Variants in CPA6 observed in about 807,000 individuals in gnomAD.
CPA6 encodes carboxypeptidase B.
CPA6 carries 58 observed loss-of-function variants against 63.3 expected under a neutral mutation model. The ratio of observed to expected loss-of-function variants is 0.92; its 90% confidence interval spans 0.74 to 1.14. The LOEUF is 1.14. CPA6 is among the 50% of genes most tolerant of loss of function. The pLI, the probability that CPA6 is intolerant of heterozygous loss-of-function variation, is 0.00. For synonymous variants in CPA6, 185 were observed against 179.0 expected, an observed-to-expected ratio of 1.03 and a Z score of -0.27; for missense variants, 565 against 526.6, an observed-to-expected ratio of 1.07 and a Z score of -0.71.
At chr8:67,745,797 T>A (rs550616487) in intron 1 of CPA6, among the ~76,000 whole-genome samples, 1 of 152,084 alleles carries the variant, frequency 6.6e-6, no homozygotes, top group African/African-American at 2.4e-5. Context: ...TGGCACATGA[T>A]AAAAAGTATA....
At chr8:67,467,926 C>A in intron 8 of CPA6, among the ~76,000 whole-genome samples, 1 of 145,750 alleles carries the variant, frequency 6.9e-6, no homozygotes, top group East Asian at 2.0e-4. Flanking sequence ...GGTGTGGTGG[C>A]AGGCTCCTGT....
At chr8:67,471,457 G>A (rs767340940) in intron 8 of CPA6, among the ~76,000 whole-genome samples, 2 of 150,514 alleles carry the variant, frequency 1.3e-5, no homozygotes, top group Non-Finnish European at 3.0e-5. Flanking sequence ...TTTTTTAATT[G>A]TAAAAAAAAA....
chr8:67,501,087 T>C (rs568774282), intron 6 of CPA6, among the ~76,000 whole-genome samples: 1 of 152,226 alleles, frequency 6.6e-6, no homozygotes, highest in African/African-American at 2.4e-5. Context: ...AATAATCTTA[T>C]CTATGGCTAC....
At chr8:67,444,023 G>C (rs1420279445) in intron 8 of CPA6, among the ~76,000 whole-genome samples, 3 of 146,098 alleles carry the variant, frequency 2.1e-5, no homozygotes, top group Non-Finnish European at 4.5e-5. Context: ...ACGGAGTCTC[G>C]CTCTGTCGCC....
intron 2 of CPA6, among the ~76,000 whole-genome samples, chr8:67,548,580 C>T (rs745741828): frequency 3.0e-4 from 45 of 151,840 alleles, no homozygotes; most frequent in Non-Finnish European, 4.9e-4. Context: ...AGAAAGATAA[C>T]GACCAAAAAA....
chr8:67,638,144 C>T, intron 1 of CPA6, among the ~76,000 whole-genome samples: 1 of 151,242 alleles, frequency 6.6e-6, no homozygotes, highest in Admixed American at 6.6e-5. Flanking sequence ...GACTGAGGAG[C>T]ACCTTGGTAG....
Position 67,536,406 on chromosome 8 carries a change from C to T in CPA6, c.193-18359G>A, listed in dbSNP as rs935986054. 2.0e-5 allele frequency among the ~76,000 whole-genome samples: 3 copies of T among 152,054 alleles called. No individual in the cohort carries two copies. The East Asian group carries it at 5.8e-4, about 29-fold the overall frequency. Reference sequence around the variant, plus strand: ...GTTTGCAGTTCTCCTTGAAGAGGTCCTTCACATCCCTTGTAAGTTGGATTC... The same window carrying T: ...GTTTGCAGTTCTCCTTGAAGAGGTCTTTCACATCCCTTGTAAGTTGGATTC... On this transcript the variant is annotated intron_variant, in intron 2 of 10. Transcript: ENST00000297770.
chr8:67,681,195 A>ATTTTTTTTTT (rs1554533441), intron 1 of CPA6, among the ~76,000 whole-genome samples: 21 of 97,130 alleles, frequency 2.2e-4, no homozygotes, highest in African/African-American at 7.1e-4. Flanking sequence ...GGTCACAAAG[A>ATTTTTTTTTT]TTTTCTTTTT....
intron 8 of CPA6, among the ~76,000 whole-genome samples, chr8:67,463,700 A>G (rs79011226): frequency 1.8e-3 from 278 of 151,956 alleles, no homozygotes; most frequent in African/African-American, 6.3e-3. Context: ...AGTTGTTTCA[A>G]TTTCTATTGT....
intron 2 of CPA6, among the ~76,000 whole-genome samples, chr8:67,534,350 G>A (rs1475502378): frequency 6.6e-6 from 1 of 152,132 alleles, no homozygotes; most frequent in Non-Finnish European, 1.5e-5. Flanking sequence ...TCAGAGAAGG[G>A]ATCAAGGTGG....
At chr8:67,737,494 C>T (rs1294465907) in intron 1 of CPA6, among the ~76,000 whole-genome samples, 1 of 152,124 alleles carries the variant, frequency 6.6e-6, no homozygotes, top group African/African-American at 2.4e-5. Flanking sequence ...CTTCTCTGGC[C>T]TTCTGTCCAT....
At chr8:67,462,386 T>C (rs1176943252) in intron 8 of CPA6, among the ~76,000 whole-genome samples, 1 of 152,226 alleles carries the variant, frequency 6.6e-6, no homozygotes, top group Admixed American at 6.5e-5. Context: ...TACTATATAA[T>C]TGGAGCCTAA....
At chr8:67,508,064 T>C (rs957156379) in intron 5 of CPA6, among the ~76,000 whole-genome samples, 1 of 150,428 alleles carries the variant, frequency 6.6e-6, no homozygotes, top group African/African-American at 2.4e-5. Flanking sequence ...TGCTTGCTCA[T>C]GTTTGAGGGC....
intron 2 of CPA6, among the ~76,000 whole-genome samples, chr8:67,577,263 G>C (rs1813651729): frequency 6.6e-6 from 1 of 152,188 alleles, no homozygotes; most frequent in Non-Finnish European, 1.5e-5. Flanking sequence ...GAGGGTATGA[G>C]TGACAGATGG....
chr8:67,526,368 T>C (rs1812364525), intron 2 of CPA6, among the ~76,000 whole-genome samples: 1 of 152,204 alleles, frequency 6.6e-6, no homozygotes, highest in Non-Finnish European at 1.5e-5. Flanking sequence ...ACATGTTTTT[T>C]TTCTTTCATG....
chr8:67,611,084 CCTT>C (rs1167509568), intron 2 of CPA6, among the ~76,000 whole-genome samples: 1 of 111,280 alleles, frequency 9.0e-6, no homozygotes, highest in Non-Finnish European at 1.7e-5. Context: ...CCTTTTCACT[CCTT>C]CTTTTTTTTT....
At chr8:67,681,310 C>T (rs914737668) in intron 1 of CPA6, among the ~76,000 whole-genome samples, 9 of 147,214 alleles carry the variant, frequency 6.1e-5, no homozygotes, top group Non-Finnish European at 1.0e-4. Context: ...CCCGGGTTCA[C>T]GCCATTCTCC....
Position 67,518,567 on chromosome 8 carries a change from C to T in CPA6, c.193-520G>A, listed in dbSNP as rs114006284. 9.4e-3 allele frequency among the ~76,000 whole-genome samples: 1,374 copies of T among 146,408 alleles called. 22 individuals are homozygous for T. The highest frequency in any genetic ancestry group is 0.032 in the African/African-American group (1,284 of 39,618). ...TGTCACACAGGTTGGAGGGCAGTGGCGTGATCTCAGTTCCCTGCAATCTCT... is the reference window on the plus strand; with the variant it reads ...TGTCACACAGGTTGGAGGGCAGTGGTGTGATCTCAGTTCCCTGCAATCTCT... On this transcript the variant is annotated intron_variant, in intron 2 of 10. Coordinates refer to ENST00000297770, the MANE Select transcript of CPA6 (RefSeq NM_020361.5).
At chr8:67,694,536 A>G (rs1816874374) in intron 1 of CPA6, among the ~76,000 whole-genome samples, 1 of 152,226 alleles carries the variant, frequency 6.6e-6, no homozygotes, top group African/African-American at 2.4e-5. Flanking sequence ...TATATACAAC[A>G]TTGGGCCTGA....
Sources: allele counts gnomAD v4.1 joint callset (sites outside exome capture counted in the v4.1 genomes callset), GRCh38; gene constraint gnomAD v4.1.1; transcripts MANE v1.5; gene names NCBI Gene and HGNC (gene_info 2026-07-23, HGNC 2026-07-21).